The following GARNL3 variants were observed in gnomAD, a reference collection of about 807,000 sequenced individuals.
GARNL3 encodes the protein GTPase activating Rap/RanGAP domain like 3.
GARNL3 carries 63 observed loss-of-function variants against 125.0 expected under a neutral mutation model. The ratio of observed to expected loss-of-function variants is 0.50; its 90% CI spans 0.41 to 0.62. The LOEUF (loss-of-function observed/expected upper bound fraction) is 0.62, where lower values mean the gene tolerates loss of function less well. GARNL3 is among the 20% of genes least tolerant of loss of function. The probability of loss-of-function intolerance (pLI) is 0.00; values close to 1 mark genes in which losing one functional copy is unlikely to be tolerated. For synonymous variants in GARNL3, 439 were observed against 457.5 expected (o/e 0.96, Z 0.52); for missense variants, 994 against 1,244.0 (o/e 0.80, Z 3.02).
At chr9:127,226,292 G>A (rs115133452) in intron 1 of GARNL3, among the ~76,000 whole-genome samples, 3,556 of 152,330 alleles carry the variant, frequency 0.023, 141 homozygotes, top group African/African-American at 0.081. Context: ...AGGATAAAAA[G>A]CAAACTAACC....
chr9:127,375,007 C>T (rs780792356), intron 22 of GARNL3, among the ~76,000 whole-genome samples: 24 of 152,024 alleles, frequency 1.6e-4, no homozygotes, highest in Non-Finnish European at 2.8e-4. Context: ...AACGATTGCT[C>T]GTAATCAGTG....
intron 6 of GARNL3, among the ~76,000 whole-genome samples, chr9:127,323,378 A>G (rs576309378): frequency 7.3e-4 from 111 of 152,352 alleles, no homozygotes; most frequent in African/African-American, 2.6e-3. Context: ...AAACTGCAAC[A>G]TAAATGTAAC....
chr9:127,243,680 T>G lies in GARNL3; in HGVS notation c.143+431T>G, dbSNP rs1241125716. Among the ~76,000 whole-genome samples, 10 of 152,298 alleles carry G rather than the reference T, an allele frequency of 6.6e-5. No homozygotes were observed. The East Asian group carries it at 1.3e-3, about 21-fold the overall frequency. ...AGAATAATACATTTTACCTACCTTT[T>G]GAATATAAATAGTATATGGAAGCAA... On this transcript the variant is annotated intron_variant, in intron 2 of 10. Transcript: ENST00000439286.
At chr9:127,263,341 CTGT>C (rs2063631509), upstream of GARNL3, among the ~76,000 whole-genome samples, 1 of 152,130 alleles carries the variant, frequency 6.6e-6, no homozygotes, top group South Asian at 2.1e-4. Flanking sequence ...GAAGCTGTTG[CTGT>C]TGTTAATTTC....
upstream of GARNL3, among the ~76,000 whole-genome samples, chr9:127,261,767 C>T (rs550482289): frequency 6.6e-6 from 1 of 152,270 alleles, no homozygotes; most frequent in South Asian, 2.1e-4. Flanking sequence ...CATTTCTACC[C>T]ATATTTCTTT....
chr9:127,300,142 C>A, intron 2 of GARNL3: 1 of 322,960 alleles, frequency 3.1e-6, no homozygotes, highest in Non-Finnish European at 6.2e-6. Context: ...TACCTCTGGC[C>A]AGTTTTCCTG....
At chr9:127,358,104 A>G (rs921330332) in intron 21 of GARNL3, among the ~76,000 whole-genome samples, 1 of 152,306 alleles carries the variant, frequency 6.6e-6, no homozygotes, top group African/African-American at 2.4e-5. Context: ...ATCTAGGGCC[A>G]CCCAAAACTG....
chr9:127,358,277 T>C (rs1468854215), intron 21 of GARNL3, among the ~76,000 whole-genome samples: 1 of 152,226 alleles, frequency 6.6e-6, no homozygotes, highest in Non-Finnish European at 1.5e-5. Context: ...CCCACGTATG[T>C]ATCTCTGTGA....
intron 2 of GARNL3, among the ~76,000 whole-genome samples, chr9:127,255,084 C>T (rs1397361913): frequency 1.3e-5 from 2 of 152,170 alleles, no homozygotes; most frequent in Admixed American, 6.5e-5. Context: ...CTTCGGAAAG[C>T]AAATGTGACA....
rs780491859 is a variant in GARNL3, at chr9:127,393,326, A to G, written c.*72A>G. 3.8e-5 allele frequency: 53 copies of G among 1,397,522 alleles called. No individual in the cohort carries two copies. Among genetic ancestry groups the G allele is most frequent in the Non-Finnish European group, 5.0e-5 (51 of 1,016,322 alleles). The allele number at this position is 1,397,522 out of a possible 1,614,324, so 86.6% of individuals were successfully genotyped here. A position where few individuals can be genotyped will look rare whatever the true frequency, so the allele number is the denominator to read the frequency against. ...ATACTCTTTAAACAGTTCTGATGTA[A>G]TTTCTCAACAAAATGTGGCTTTTAG... On this transcript the variant is annotated 3_prime_UTR_variant, in exon 28 of 28. Transcript: ENST00000373387.
At chr9:127,362,781 G>A (rs1012274471) in intron 21 of GARNL3, 5 of 152,170 alleles carry the variant, frequency 3.3e-5, no homozygotes, top group Non-Finnish European at 7.3e-5. Flanking sequence ...TCTAAATAAA[G>A]GTATCAGCCA....
intron 1 of GARNL3, among the ~76,000 whole-genome samples, chr9:127,275,163 A>G (rs1376873176): frequency 6.6e-6 from 1 of 152,168 alleles, no homozygotes; most frequent in Non-Finnish European, 1.5e-5. Flanking sequence ...TGCTTTTTTC[A>G]GTACCTATGT....
chr9:127,357,169 T>G (rs1402918303), intron 20 of GARNL3, 50 bp from the exon 21 acceptor site: 2 of 1,589,594 alleles, frequency 1.3e-6, no homozygotes, highest in East Asian at 4.5e-5. Flanking sequence ...GGCATGGAGC[T>G]GGCTGCTCTG....
chr9:127,300,051 A>T, intron 2 of GARNL3: 1 of 292,920 alleles, frequency 3.4e-6, no homozygotes, highest in Non-Finnish European at 6.8e-6. Flanking sequence ...CCATATCGAG[A>T]TTAAGCTCAG....
chr9:127,313,443 C>T lies in GARNL3; in HGVS notation c.322C>T (p.His108Tyr). ...WYFKYFLGQV[H>Y]QNYIGNDAEK... is the part of the protein sequence containing the mutation. ...TGTTCTAAACCTTTCTTTTCCAGTCCATCAGAACTACATTGGAAACGATGC... is the reference window on the plus strand; with the variant it reads ...TGTTCTAAACCTTTCTTTTCCAGTCTATCAGAACTACATTGGAAACGATGC... The change falls in exon 4 of 28, where the codon CAT (histidine) becomes TAT (tyrosine). Residue 108 changes from histidine to tyrosine, a missense_variant and splice_region_variant. His to Tyr is a moderately conservative substitution (Grantham distance 83). This residue lies in a region of GARNL3 where 139 missense variants were observed against 231.6 expected (regional missense o/e 0.60). Coordinates refer to ENST00000373387, the MANE Select transcript of GARNL3 (RefSeq NM_032293.5). The T allele has an allele frequency of 1.2e-6, 2 of 1,608,390 alleles. No individual in the cohort carries two copies. Among genetic ancestry groups the T allele is most frequent in the Non-Finnish European group, 1.7e-6 (2 of 1,174,774 alleles).
intron 3 of GARNL3, among the ~76,000 whole-genome samples, chr9:127,312,183 T>C (rs745680493): frequency 6.6e-6 from 1 of 152,170 alleles, no homozygotes; most frequent in Non-Finnish European, 1.5e-5. Context: ...CTGGCATCAT[T>C]CATACATTCA....
chr9:127,344,561 C>G (rs1019991641), intron 15 of GARNL3, among the ~76,000 whole-genome samples: 11 of 152,210 alleles, frequency 7.2e-5, no homozygotes, highest in African/African-American at 2.7e-4. Context: ...GGTAGGAATG[C>G]TACTGCCTCA....
chr9:127,346,156 A>G (rs1207467315), intron 16 of GARNL3, among the ~76,000 whole-genome samples: 3 of 152,240 alleles, frequency 2.0e-5, no homozygotes, highest in Non-Finnish European at 2.9e-5. Flanking sequence ...ATCATCAAAA[A>G]TAAAACAGAC....
At chr9:127,293,463 A>G (rs2064488252) in intron 2 of GARNL3, among the ~76,000 whole-genome samples, 1 of 151,728 alleles carries the variant, frequency 6.6e-6, no homozygotes, top group African/African-American at 2.4e-5. Context: ...TTAAGATTAG[A>G]TCATGTCTAG....
Sources: gnomAD v4.1 joint callset for allele counts (sites outside exome capture counted in the v4.1 genomes callset) on GRCh38, gnomAD v4.1.1 for gene constraint, gnomAD v4.1.1 regional missense constraint, MANE v1.5 for transcripts, NCBI Gene and HGNC (gene_info 2026-07-23, HGNC 2026-07-21) for gene names.